The following LMAN2L variants were observed in gnomAD, a reference collection of about 807,000 sequenced individuals.
The protein encoded by LMAN2L is VIP36-like protein.
LMAN2L carries 30 observed loss-of-function variants against 44.3 expected under a neutral mutation model. The ratio of observed to expected loss-of-function variants is 0.68; its 90% CI spans 0.51 to 0.92. LMAN2L has a LOEUF of 0.92. Among genes scored for constraint, LMAN2L ranks in the 40% least tolerant of loss-of-function variants. The probability of loss-of-function intolerance (pLI) is 0.00; values close to 1 mark genes in which losing one functional copy is unlikely to be tolerated. For synonymous variants in LMAN2L, 183 were observed against 171.1 expected (o/e 1.07, Z -0.54); for missense variants, 429 against 446.1 (o/e 0.96, Z 0.35).
chr2:96,733,542 G>A lies in LMAN2L; in HGVS notation c.484C>T (p.Pro162Ser). ...ACCTCTTGCTGCTTCTCCTCATTGGGGTAGGTGTCTACAAATACTCCCAGC... is the reference window on the plus strand; with the variant it reads ...ACCTCTTGCTGCTTCTCCTCATTGGAGTAGGTGTCTACAAATACTCCCAGC... ...VGLGVFVDTY[P>S]NEEKQQERVF... The change falls in exon 4 of 8, where the codon CCC (proline) becomes TCC (serine). Residue 162 changes from proline (P) to serine (S), a missense_variant. Pro to Ser is a moderately conservative substitution (Grantham distance 74, BLOSUM62 -1). Transcript: ENST00000264963. The A allele has an allele frequency of 2.5e-6, 4 of 1,613,788 alleles. No homozygotes were observed. Among genetic ancestry groups the A allele is most frequent in the Non-Finnish European group, 3.4e-6 (4 of 1,179,824 alleles).
At chr2:96,733,623 T>C in intron 3 of LMAN2L, 22 bp from the exon 4 acceptor site, 7 of 1,575,054 alleles carry the variant, frequency 4.4e-6, no homozygotes, top group Non-Finnish European at 6.1e-6. Flanking sequence ...GAACAGATGA[T>C]GAACAATGAA....
intron 4 of LMAN2L, among the ~76,000 whole-genome samples, chr2:96,718,374 T>G (rs2078084427): frequency 1.3e-5 from 2 of 152,274 alleles, no homozygotes; most frequent in African/African-American, 4.8e-5. Context: ...ATATCTGCAA[T>G]TTTTTAAACA....
intron 1 of LMAN2L, among the ~76,000 whole-genome samples, chr2:96,738,955 A>ATGGTCTCAATCTCCTGACCTCG (rs1184113431): frequency 6.6e-6 from 1 of 152,034 alleles, no homozygotes; most frequent in African/African-American, 2.4e-5. Flanking sequence ...GTTAGCTAGG[A>ATGGTCTCAATCTCCTGACCTCG]TGGTCTCAAT....
chr2:96,708,715 T>C (rs907428106), intron 6 of LMAN2L, among the ~76,000 whole-genome samples: 1 of 152,084 alleles, frequency 6.6e-6, no homozygotes, highest in African/African-American at 2.4e-5. Flanking sequence ...GGCACAGCTA[T>C]GGGCATGGGA....
At chr2:96,729,166 T>C (rs544265964) in intron 4 of LMAN2L, among the ~76,000 whole-genome samples, 3 of 151,434 alleles carry the variant, frequency 2.0e-5, no homozygotes, top group South Asian at 4.2e-4. Flanking sequence ...AGCAAGACTC[T>C]GTCTCAAAAA....
chr2:96,712,959 T>A, intron 4 of LMAN2L: 1 of 674,676 alleles, frequency 1.5e-6, no homozygotes, highest in Non-Finnish European at 2.6e-6. Flanking sequence ...TGTCCCTTTG[T>A]CCCAAATGGT....
chr2:96,711,540 G>A (rs992250898), intron 6 of LMAN2L, 116 bp downstream of exon 6: 1 of 669,186 alleles, frequency 1.5e-6, no homozygotes, highest in Non-Finnish European at 2.6e-6. Flanking sequence ...GCAGTCTTGA[G>A]GCACCTCCTT....
Position 96,707,788 on chromosome 2 carries a change from T to G in LMAN2L, c.830A>C (p.Glu277Ala). 1 of 1,613,912 alleles carries G rather than the reference T, an allele frequency of 6.2e-7. No homozygotes were observed. The highest frequency in any genetic ancestry group is 8.5e-7 in the Non-Finnish European group (1 of 1,179,820). Residue 277 changes from glutamate to alanine, a missense_variant, in exon 7 of 8, where the codon GAG becomes GCG. Transcript: ENST00000264963. ...ISLKLFELTV[E>A]RTPEEEKLHR... ...GAGCTTTTCCTCTTCTGGGGTTCTC[T>G]CCACTGTCAGTTCAAACAACTTCAA...
chr2:96,728,253 C>T (rs564361878), intron 4 of LMAN2L, among the ~76,000 whole-genome samples: 9 of 151,912 alleles, frequency 5.9e-5, no homozygotes, highest in African/African-American at 2.2e-4. Flanking sequence ...TTTGGGAGAC[C>T]GAGGCGGGCG....
At chr2:96,729,361 C>T (rs1311624336) in intron 4 of LMAN2L, among the ~76,000 whole-genome samples, 1 of 151,964 alleles carries the variant, frequency 6.6e-6, no homozygotes, top group Non-Finnish European at 1.5e-5. Flanking sequence ...TTGAAACAGA[C>T]ACTTAACTTC....
At chr2:96,736,403 T>C (rs1311291730) in intron 2 of LMAN2L, among the ~76,000 whole-genome samples, 2 of 152,128 alleles carry the variant, frequency 1.3e-5, no homozygotes, top group Non-Finnish European at 2.9e-5. Context: ...CCCATAGTCA[T>C]GGTGATAGCC....
At chr2:96,730,074 T>C (rs560233452) in intron 4 of LMAN2L, among the ~76,000 whole-genome samples, 2 of 152,330 alleles carry the variant, frequency 1.3e-5, no homozygotes, top group Admixed American at 1.3e-4. Context: ...AAATAAATTT[T>C]TTTTAATTAA....
chr2:96,707,473 C>T, intron 7 of LMAN2L, 75 bp from the exon 8 acceptor site: 4 of 1,483,312 alleles, frequency 2.7e-6, no homozygotes, highest in Non-Finnish European at 3.6e-6. Context: ...TATAGGCTGT[C>T]CGGCCCCCAG....
At chr2:96,721,098 A>C (rs2078144163) in intron 4 of LMAN2L, among the ~76,000 whole-genome samples, 1 of 152,026 alleles carries the variant, frequency 6.6e-6, no homozygotes, top group South Asian at 2.1e-4. Flanking sequence ...CCAAAAAAAA[A>C]TCTCATGCCC....
chr2:96,737,548 G>C (rs1009338704), intron 2 of LMAN2L, among the ~76,000 whole-genome samples: 7 of 152,214 alleles, frequency 4.6e-5, no homozygotes, highest in African/African-American at 1.7e-4. Flanking sequence ...AGCTACTCAG[G>C]AGGCTGAGGC....
At chr2:96,724,131 T>G (rs1283405089) in intron 4 of LMAN2L, among the ~76,000 whole-genome samples, 1 of 152,028 alleles carries the variant, frequency 6.6e-6, no homozygotes, top group Non-Finnish European at 1.5e-5. Flanking sequence ...GAAAATTAAT[T>G]GATTAAATGT....
Position 96,729,041 on chromosome 2 carries a change from A to G in LMAN2L, c.507+4478T>C, listed in dbSNP as rs574799132. 4.7e-4 allele frequency among the ~76,000 whole-genome samples: 72 copies of G among 151,732 alleles called. 1 individual carries two copies. Among genetic ancestry groups the G allele is most frequent in the Admixed American group, 1.6e-3 (24 of 15,196 alleles). ...TAAAAAATTAGCTGGGCGTGGTGGC[A>G]GGTACTTGTAGTCCCAGCTACTCAG... On this transcript the variant is annotated intron_variant, in intron 4 of 7. Transcript: ENST00000264963.
intron 4 of LMAN2L, among the ~76,000 whole-genome samples, chr2:96,717,630 G>A (rs563961745): frequency 5.9e-5 from 9 of 151,600 alleles, no homozygotes; most frequent in South Asian, 2.1e-4. Context: ...ACCTGAGGTC[G>A]GGAGTTCGAG....
Position 96,739,846 on chromosome 2 carries a change from C to T in LMAN2L, c.187+8G>A. ...CACTGCACGACCACCTCACCCTGGG[C>T]GCCTCACCCTGGTAGGGCTTCGACA... On this transcript the variant is annotated splice_region_variant and intron_variant, in intron 1 of 7. Transcript: ENST00000264963. 2 of 1,612,808 alleles carry T rather than the reference C, an allele frequency of 1.2e-6. No homozygotes were observed. Among genetic ancestry groups the T allele is most frequent in the Non-Finnish European group, 1.7e-6 (2 of 1,179,866 alleles).
Sources: gnomAD v4.1 joint callset for allele counts (sites outside exome capture counted in the v4.1 genomes callset) on GRCh38, gnomAD v4.1.1 for gene constraint, MANE v1.5 for transcripts, NCBI Gene and HGNC (gene_info 2026-07-23, HGNC 2026-07-21) for gene names.